The following NEB variants were observed in gnomAD, a reference collection of about 807,000 sequenced individuals.
NEB encodes nebulin.
In NEB, 512 loss-of-function variants were observed where a neutral mutation model predicts 952.2. The ratio of observed to expected loss-of-function variants is 0.54; its 90% CI spans 0.50 to 0.58. The LOEUF (loss-of-function observed/expected upper bound fraction) is 0.58, where lower values mean the gene tolerates loss of function less well. Among genes scored for constraint, NEB ranks in the 20% least tolerant of loss-of-function variants. The pLI, the probability that NEB is intolerant of heterozygous loss-of-function variation, is 0.00. For synonymous variants in NEB, 2,900 were observed against 3,149.8 expected (o/e 0.92, Z 2.66); for missense variants, 8,428 against 9,231.1 (o/e 0.91, Z 3.56).
At chr2:151,614,253 T>C in intron 77 of NEB, 23 bp downstream of exon 77, 1 of 1,605,186 alleles carries the variant, frequency 6.2e-7, no homozygotes, top group Non-Finnish European at 8.5e-7. Flanking sequence ...AAACCATTAC[T>C]GAAGAATATT....
intron 10 of NEB, among the ~76,000 whole-genome samples, chr2:151,716,800 G>A (rs1256427240): frequency 6.6e-6 from 1 of 152,182 alleles, no homozygotes; most frequent in Non-Finnish European, 1.5e-5. Flanking sequence ...AGTATCCCAG[G>A]AGAAAGTGGT....
At position 151,618,412 on chromosome 2, in the gene NEB, C is replaced by A; in HGVS notation, c.10939G>T (p.Val3647Phe). The stretch of plus-strand genomic sequence containing the variant: ...TCTCCAGCTCTCTTGGCCCTAACAA[C>A]TTCCAAGGAATCAATCGGAACCCAG... ...IGWVPIDSLE[V>F]VRAKRAGELL... Residue 3647 changes from valine (V) to phenylalanine (F), a missense_variant, in exon 74 of 182, where the codon GTT becomes TTT. By Grantham distance (50) the Val-to-Phe change is conservative. Transcript: ENST00000397345. 1.9e-6 allele frequency: 3 copies of A among 1,613,934 alleles called. No individual in the cohort carries two copies. The highest frequency in any genetic ancestry group is 2.2e-5 in the South Asian group (2 of 91,088).
rs59532113 is a variant in NEB at position 151,661,904 on chromosome 2, C to T, written c.5970+231G>A. 6.1e-3 allele frequency among the ~76,000 whole-genome samples: 926 copies of T among 152,102 alleles called. 6 individuals carry two copies. Among genetic ancestry groups the T allele is most frequent in the African/African-American group, 0.021 (878 of 41,496 alleles). Reference sequence around the variant, plus strand: ...AGAGGTGCAGTAAAAGAAAAAGTCCCTATTTATTTGGTTATGTCAATGAGA... The same window carrying T: ...AGAGGTGCAGTAAAAGAAAAAGTCCTTATTTATTTGGTTATGTCAATGAGA... On this transcript the variant is annotated intron_variant, in intron 46 of 181. Coordinates refer to ENST00000397345, the MANE Select transcript of NEB (RefSeq NM_001164508.2).
At chr2:151,565,639 A>G in intron 115 of NEB, 34 bp from the exon 116 acceptor site, 1 of 1,565,424 alleles carries the variant, frequency 6.4e-7, no homozygotes, top group Non-Finnish European at 8.8e-7. Context: ...AGACAGGTCT[A>G]CCACCACAGG....
At position 151,565,557 on chromosome 2, in the gene NEB, C is replaced by T; in HGVS notation, c.18310G>A (p.Val6104Met). The change falls in exon 116 of 182, where the codon GTG (valine) becomes ATG (methionine). Residue 6104 changes from valine (V) to methionine (M), a missense_variant. Transcript: ENST00000397345. The stretch of plus-strand genomic sequence containing the variant: ...AAAACAATCTCTGGAGGATCCACCA[C>T]ACTTCTAAAGTTAGGATAGTTTTCA... ...ALENYPNFRS[V>M]VDPPEIVLAK... 1 of 1,603,404 alleles carries T rather than the reference C, an allele frequency of 6.2e-7. No individual in the cohort carries two copies. Among genetic ancestry groups the T allele is most frequent in the South Asian group, 1.1e-5 (1 of 90,446 alleles).
intron 55 of NEB, among the ~76,000 whole-genome samples, chr2:151,645,649 T>C (rs1310516651): frequency 6.6e-6 from 1 of 152,220 alleles, no homozygotes; most frequent in Non-Finnish European, 1.5e-5. Context: ...AATTTAGAAT[T>C]TGTTTTTAAA....
At chr2:151,555,134 C>A in intron 124 of NEB, 90 bp from the exon 125 acceptor site, 2 of 887,992 alleles carry the variant, frequency 2.3e-6, no homozygotes, top group East Asian at 2.5e-5. Flanking sequence ...GGGAAAAACC[C>A]GACTCTGAGA....
chr2:151,705,817 AGG>A (rs1281995599), intron 13 of NEB, among the ~76,000 whole-genome samples: 1 of 152,222 alleles, frequency 6.6e-6, no homozygotes, highest in Non-Finnish European at 1.5e-5. Flanking sequence ...GAAGTAACTC[AGG>A]AATGAAAAAC....
At chr2:151,714,170 T>C (rs2099753118) in intron 10 of NEB, among the ~76,000 whole-genome samples, 1 of 152,098 alleles carries the variant, frequency 6.6e-6, no homozygotes, top group African/African-American at 2.4e-5. Context: ...CAAGTTTCCT[T>C]ATCTGTCTAA....
intron 113 of NEB, 55 bp from the exon 114 acceptor site, chr2:151,567,534 G>A (rs2096457800): frequency 5.3e-6 from 8 of 1,499,936 alleles, no homozygotes; most frequent in Middle Eastern, 1.7e-4. Flanking sequence ...ACAAGGCAGA[G>A]GGGGCTTGAT....
intron 120 of NEB, 104 bp downstream of exon 120, chr2:151,562,507 T>G: frequency 8.4e-7 from 1 of 1,197,148 alleles, no homozygotes; most frequent in Non-Finnish European, 1.1e-6. Context: ...CAGCAAGATT[T>G]ATGAATACAG....
intron 120 of NEB, 83 bp from the exon 121 acceptor site, chr2:151,562,297 G>A: frequency 8.3e-7 from 1 of 1,211,494 alleles, no homozygotes; most frequent in Non-Finnish European, 1.2e-6. Flanking sequence ...TCAGCTGTTG[G>A]CTGTGCTTAT....
chr2:151,731,444 C>T (rs551606658), intron 3 of NEB, among the ~76,000 whole-genome samples: 1 of 152,278 alleles, frequency 6.6e-6, no homozygotes, highest in African/African-American at 2.4e-5. Context: ...CTGTTTTCTG[C>T]ATATTTTTAA....
Position 151,667,856 on chromosome 2 carries a change from G to T in NEB, c.4667C>A (p.Pro1556Gln), listed in dbSNP as rs753594856. 4 of 1,612,836 alleles carry T rather than the reference G, an allele frequency of 2.5e-6. No homozygotes were observed. The South Asian group carries it at 3.3e-5, about 13-fold the overall frequency. Residue 1556 changes from proline to glutamine, a missense_variant, in exon 40 of 182, where the codon CCA becomes CAA. Physicochemically the swap from Pro to Gln is moderately conservative, Grantham distance 76. Coordinates refer to ENST00000397345, the MANE Select transcript of NEB (RefSeq NM_001164508.2). The part of the protein sequence containing the change: ...KTIAKGYDLR[P>Q]DAIPIVAAKS... ...TGCAGCAACAATTGGGATGGCATCT[G>T]GTCTCAAATCATAGCCCTTGGCAAT...
Position 151,671,218 on chromosome 2 carries a change from T to A in NEB, c.4311A>T (p.Lys1437Asn), listed in dbSNP as rs775100672. ...VNQIQSDNVY[K>N]DEYNSFLKGI... ...CCTTCAAGAAGCTGTTATACTCGTC[T>A]TTATACACATTCTGTAAAAGGGTAA... Residue 1437 changes from lysine to asparagine, a missense_variant, in exon 38 of 182, where the codon AAA (lysine) becomes AAT (asparagine). Around this residue, in one of 11 missense-constraint regions of NEB, gnomAD observed 2,851 missense variants for 2,791.5 expected, o/e 1.02. Transcript: ENST00000397345. 1 of 1,612,718 alleles carries A rather than the reference T, an allele frequency of 6.2e-7. No homozygotes were observed. The highest frequency in any genetic ancestry group is 8.5e-7 in the Non-Finnish European group (1 of 1,178,830).
At chr2:151,675,484 T>C in intron 34 of NEB, 93 bp from the exon 35 acceptor site, 2 of 831,950 alleles carry the variant, frequency 2.4e-6, no homozygotes, top group Non-Finnish European at 3.7e-6. Context: ...CCCATGATTT[T>C]CTAGTGTTAA....
intron 168 of NEB, 52 bp from the exon 169 acceptor site, chr2:151,499,442 C>A (rs1278459105): frequency 2.1e-6 from 2 of 960,876 alleles, no homozygotes; most frequent in Non-Finnish European, 1.6e-6. Flanking sequence ...CAAAACAGCC[C>A]TTTCATCTAC....
At chr2:151,553,801 G>C (rs767875193) in intron 126 of NEB, 27 bp downstream of exon 126, 1 of 1,585,282 alleles carries the variant, frequency 6.3e-7, no homozygotes, top group South Asian at 1.2e-5. Context: ...GGGCCGTGGA[G>C]GGGTACTTCT....
intron 117 of NEB, among the ~76,000 whole-genome samples, chr2:151,564,496 G>GT: frequency 6.6e-6 from 1 of 152,230 alleles, no homozygotes; most frequent in African/African-American, 2.4e-5. Flanking sequence ...TGCGGTCCTA[G>GT]TAAAAGTGAC....
Sources: gnomAD v4.1 joint callset for allele counts (sites outside exome capture counted in the v4.1 genomes callset) on GRCh38, gnomAD v4.1.1 for gene constraint, gnomAD v4.1.1 regional missense constraint, MANE v1.5 for transcripts, NCBI Gene and HGNC (gene_info 2026-07-23, HGNC 2026-07-21) for gene names.